DCC: variants seen among roughly 807,000 people sequenced by gnomAD.
The protein encoded by DCC is DCC netrin 1 receptor, also known as netrin receptor DCC.
In DCC, 58 loss-of-function variants were observed where a neutral mutation model predicts 172.5. The observed-to-expected ratio is 0.34, with a 90% CI of 0.27 to 0.42. The LOEUF is 0.42. Ranked by LOEUF, DCC falls within the 10% of genes least tolerant of loss-of-function variation. The pLI, the probability that DCC is intolerant of heterozygous loss-of-function variation, is 1.00. For synonymous variants in DCC, 709 were observed against 644.5 expected (o/e 1.10, Z -1.52); for missense variants, 1,740 against 1,791.0 (o/e 0.97, Z 0.51).
intron 7 of DCC, among the ~76,000 whole-genome samples, chr18:53,156,154 A>G (rs9944703): frequency 0.42 from 63,891 of 152,006 alleles, 14,212 homozygotes; most frequent in East Asian, 0.71. Context: ...CTTTTCTACT[A>G]TGAAACATAT....
intron 2 of DCC, among the ~76,000 whole-genome samples, chr18:52,864,184 T>TG (rs1247219451): frequency 2.0e-5 from 3 of 152,174 alleles, no homozygotes; most frequent in African/African-American, 7.2e-5. Context: ...TCTCTGTAAG[T>TG]GGAACAACTT....
At chr18:53,098,051 C>T (rs2043112566) in intron 7 of DCC, among the ~76,000 whole-genome samples, 1 of 152,066 alleles carries the variant, frequency 6.6e-6, no homozygotes. Flanking sequence ...CCCTAAAATG[C>T]CCCTGTTCTC....
At chr18:52,373,992 C>T (rs980006210) in intron 1 of DCC, among the ~76,000 whole-genome samples, 8 of 148,660 alleles carry the variant, frequency 5.4e-5, no homozygotes, top group African/African-American at 2.0e-4. Context: ...CCTGAGTTCA[C>T]ACCATTCTCC....
intron 1 of DCC, among the ~76,000 whole-genome samples, chr18:52,585,748 C>A (rs975011530): frequency 6.6e-6 from 1 of 152,198 alleles, no homozygotes. Flanking sequence ...GTATTCTACT[C>A]TTCTTCAGAA....
intron 1 of DCC, among the ~76,000 whole-genome samples, chr18:52,463,243 A>T (rs1416009345): frequency 1.3e-5 from 2 of 151,770 alleles, no homozygotes; most frequent in Admixed American, 6.6e-5. Context: ...CTTCATGATT[A>T]CCATATTATC....
At chr18:53,002,652 T>G (rs906052423) in intron 5 of DCC, among the ~76,000 whole-genome samples, 1 of 70,732 alleles carries the variant, frequency 1.4e-5, no homozygotes, top group Non-Finnish European at 4.5e-5. Flanking sequence ...TGCCAGATAT[T>G]TATTTATTTA....
intron 27 of DCC, among the ~76,000 whole-genome samples, chr18:53,521,811 T>G (rs1184535768): frequency 6.6e-6 from 1 of 152,118 alleles, no homozygotes; most frequent in East Asian, 1.9e-4. Context: ...AATAAATAGG[T>G]TTTATGATCA....
intron 1 of DCC, among the ~76,000 whole-genome samples, chr18:52,505,283 T>C (rs2031189220): frequency 6.6e-6 from 1 of 152,204 alleles, no homozygotes; most frequent in Non-Finnish European, 1.5e-5. Flanking sequence ...TCATGTATAA[T>C]TTTATTTTTA....
Position 53,530,893 on chromosome 18 carries a change from A to G in DCC, c.*240A>G, listed in dbSNP as rs1258479980. The G allele has an allele frequency of 2.0e-5, 12 of 594,910 alleles. No homozygotes were observed. In the South Asian group the frequency reaches 2.1e-4, roughly 10 times the overall value. 36.9% of individuals were successfully genotyped at this position (594,910 alleles called of 1,614,324 possible). ...TAAACAAAAGCAAAGATGCATTTTCACTGCAATGTCAAAGTTTAAGCTGCT... is the reference window on the plus strand; with the variant it reads ...TAAACAAAAGCAAAGATGCATTTTCGCTGCAATGTCAAAGTTTAAGCTGCT... On this transcript the variant is annotated 3_prime_UTR_variant, in exon 29 of 29. Coordinates refer to ENST00000442544, the MANE Select transcript of DCC (RefSeq NM_005215.4).
At chr18:53,186,260 T>A (rs551885439) in intron 9 of DCC, among the ~76,000 whole-genome samples, 13 of 152,212 alleles carry the variant, frequency 8.5e-5, no homozygotes, top group African/African-American at 3.1e-4. Flanking sequence ...AGTGTCATAA[T>A]AATTATTGGT....
At chr18:52,422,139 AG>A (rs1388797014) in intron 1 of DCC, among the ~76,000 whole-genome samples, 4 of 152,208 alleles carry the variant, frequency 2.6e-5, no homozygotes, top group Non-Finnish European at 4.4e-5. Flanking sequence ...CTTAAAAGGA[AG>A]GGATTAACAA....
At chr18:53,146,385 G>A (rs2144363596) in intron 7 of DCC, among the ~76,000 whole-genome samples, 1 of 152,334 alleles carries the variant, frequency 6.6e-6, no homozygotes, top group East Asian at 1.9e-4. Context: ...CCTTGTGGCT[G>A]CATCCTCTAT....
chr18:53,489,923 A>G (rs2045942262), intron 26 of DCC, among the ~76,000 whole-genome samples: 1 of 151,702 alleles, frequency 6.6e-6, no homozygotes, highest in Non-Finnish European at 1.5e-5. Context: ...GCTGCATTGT[A>G]TTTGAAAACT....
At chr18:52,901,829 G>T (rs1275476936) in intron 2 of DCC, among the ~76,000 whole-genome samples, 2 of 152,102 alleles carry the variant, frequency 1.3e-5, no homozygotes, top group African/African-American at 2.4e-5. Context: ...GTAAATATTT[G>T]ATTTACTTCA....
chr18:53,399,041 C>G (rs905872506), intron 18 of DCC, among the ~76,000 whole-genome samples: 1 of 152,044 alleles, frequency 6.6e-6, no homozygotes, highest in East Asian at 1.9e-4. Context: ...GATAAAGATA[C>G]GAGTGACTGG....
At chr18:53,242,431 C>T (rs548434909) in intron 12 of DCC, among the ~76,000 whole-genome samples, 29 of 152,164 alleles carry the variant, frequency 1.9e-4, no homozygotes, top group African/African-American at 6.7e-4. Context: ...TTTGTTCAAT[C>T]GATATCTGCT....
At chr18:53,408,237 G>A (rs1037539443) in intron 19 of DCC, among the ~76,000 whole-genome samples, 2 of 152,100 alleles carry the variant, frequency 1.3e-5, no homozygotes, top group South Asian at 4.1e-4. Flanking sequence ...GGGTAAAACT[G>A]CACATATTTG....
chr18:52,756,243 GAA>G (rs200005568), intron 2 of DCC, among the ~76,000 whole-genome samples: 175 of 98,758 alleles, frequency 1.8e-3, no homozygotes, highest in African/African-American at 0.011. Flanking sequence ...AACAGCTGAA[GAA>G]GGGAAGCAGC....
Position 52,844,320 on chromosome 18 carries a change from G to A in DCC, c.413-61724G>A, listed in dbSNP as rs201521396. 4.6e-5 allele frequency among the ~76,000 whole-genome samples: 7 copies of A among 151,246 alleles called. 1 individual carries two copies. The highest frequency in any genetic ancestry group is 4.0e-4 in the Admixed American group (6 of 15,166). ...GATAGATAGGTAGATACATAGATAGGCAGACAGACAGACAGACAGATAGAT... is the reference window on the plus strand; with the variant it reads ...GATAGATAGGTAGATACATAGATAGACAGACAGACAGACAGACAGATAGAT... On this transcript the variant is annotated intron_variant, in intron 2 of 28. Coordinates refer to ENST00000442544, the MANE Select transcript of DCC (RefSeq NM_005215.4).
Sources: allele counts gnomAD v4.1 joint callset (sites outside exome capture counted in the v4.1 genomes callset), GRCh38; gene constraint gnomAD v4.1.1; transcripts MANE v1.5; gene names NCBI Gene and HGNC (gene_info 2026-07-23, HGNC 2026-07-21).